CSMD3: variants seen among roughly 807,000 people sequenced by gnomAD.
CSMD3 encodes the protein CUB and Sushi multiple domains 3, also known as CUB and sushi domain-containing protein 3.
In CSMD3, 177 loss-of-function variants were observed where a neutral mutation model predicts 435.2. The observed-to-expected ratio is 0.41, with a 90% CI of 0.36 to 0.46. CSMD3 has a LOEUF of 0.46. CSMD3 is among the 20% of genes least tolerant of loss of function. The probability of loss-of-function intolerance (pLI) is 0.34; values close to 1 mark genes in which losing one functional copy is unlikely to be tolerated. For synonymous variants in CSMD3, 1,656 were observed against 1,520.5 expected, an observed-to-expected ratio of 1.09 and a Z score of -2.07; for missense variants, 4,265 against 4,504.6, an observed-to-expected ratio of 0.95 and a Z score of 1.52.
intron 55 of CSMD3, 39 bp from the exon 56 acceptor site, chr8:112,291,734 AAT>A: frequency 7.8e-7 from 1 of 1,276,454 alleles, no homozygotes; most frequent in Non-Finnish European, 1.1e-6. Context: ...TGTTTGGAAT[AAT>A]ATACATATAC....
intron 13 of CSMD3, among the ~76,000 whole-genome samples, chr8:112,781,809 A>G (rs2132246697): frequency 6.6e-6 from 1 of 152,272 alleles, no homozygotes; most frequent in South Asian, 2.1e-4. Flanking sequence ...AGTCTCCTGA[A>G]TCTTACCTAA....
At chr8:112,386,642 C>A (rs1017402114) in intron 36 of CSMD3, among the ~76,000 whole-genome samples, 3 of 152,006 alleles carry the variant, frequency 2.0e-5, no homozygotes, top group East Asian at 1.9e-4. Flanking sequence ...GGACTACAGG[C>A]GCCCGCCACC....
chr8:112,839,071 G>C (rs904922198), intron 11 of CSMD3, among the ~76,000 whole-genome samples: 2 of 151,406 alleles, frequency 1.3e-5, no homozygotes, highest in African/African-American at 4.9e-5. Context: ...CAAGACTCTA[G>C]GCTAGACCAT....
intron 24 of CSMD3, among the ~76,000 whole-genome samples, chr8:112,564,339 C>CTTCTCCCCTCCT (rs1828898667): frequency 1.3e-5 from 2 of 150,066 alleles, no homozygotes; most frequent in African/African-American, 2.5e-5. Flanking sequence ...TCTCCCCTCC[C>CTTCTCCCCTCCT]TTCTCCCCTC....
chr8:112,230,896 C>G (rs1813024018), intron 69 of CSMD3, among the ~76,000 whole-genome samples: 1 of 152,070 alleles, frequency 6.6e-6, no homozygotes, highest in African/African-American at 2.4e-5. Context: ...CTTTGTGTAT[C>G]CCTGTCACAG....
At chr8:113,403,370 C>T (rs534414373) in intron 1 of CSMD3, among the ~76,000 whole-genome samples, 4 of 151,176 alleles carry the variant, frequency 2.6e-5, no homozygotes, top group African/African-American at 9.7e-5. Context: ...CCTGTGGTAC[C>T]ATTTTATGAG....
intron 10 of CSMD3, among the ~76,000 whole-genome samples, chr8:112,915,272 G>A (rs1274020287): frequency 1.3e-5 from 2 of 151,648 alleles, no homozygotes; most frequent in East Asian, 3.9e-4. Flanking sequence ...TAGCGAAAGC[G>A]TTCATTACTA....
At chr8:112,892,101 TG>T (rs1277385202) in intron 10 of CSMD3, among the ~76,000 whole-genome samples, 6 of 151,634 alleles carry the variant, frequency 4.0e-5, no homozygotes, top group Non-Finnish European at 8.9e-5. Flanking sequence ...TCCATGTATT[TG>T]TTTATATTTT....
At chr8:113,294,975 A>C (rs2093709643) in intron 2 of CSMD3, among the ~76,000 whole-genome samples, 1 of 152,140 alleles carries the variant, frequency 6.6e-6, no homozygotes, top group Non-Finnish European at 1.5e-5. Flanking sequence ...TCCACAAAAC[A>C]CTGTAAAAAT....
At position 112,295,330 on chromosome 8, in the gene CSMD3, G is replaced by T. The variant is rs545559344; in HGVS notation, c.8614+503C>A. ...CAGAGGACCTGAAATGAGAGCAAAG[G>T]TTCTTCATGTCATGCCTAATGATAA... On this transcript the variant is annotated intron_variant, in intron 54 of 70. Transcript: ENST00000297405. Among the ~76,000 whole-genome samples the T allele has an allele frequency of 1.8e-3, 267 of 152,076 alleles. 1 individual carries two copies. The highest frequency in any genetic ancestry group is 6.2e-3 in the African/African-American group (259 of 41,476).
At chr8:113,003,187 G>A (rs2085930193) in intron 6 of CSMD3, among the ~76,000 whole-genome samples, 1 of 152,116 alleles carries the variant, frequency 6.6e-6, no homozygotes, top group East Asian at 1.9e-4. Context: ...GGAGGTTGCA[G>A]TGAGCCAAGA....
intron 25 of CSMD3, among the ~76,000 whole-genome samples, chr8:112,556,211 T>C (rs925609720): frequency 1.3e-4 from 20 of 151,536 alleles, no homozygotes; most frequent in African/African-American, 4.4e-4. Context: ...TACAAGATGG[T>C]AGGAATAAAA....
intron 8 of CSMD3, 85 bp from the exon 9 acceptor site, chr8:112,947,962 A>G (rs1036490454): frequency 3.0e-6 from 2 of 677,604 alleles, no homozygotes; most frequent in Admixed American, 4.1e-5. Flanking sequence ...TATACATAAA[A>G]TGTATTATTG....
chr8:112,410,545 AAG>A (rs1832252057), intron 32 of CSMD3, among the ~76,000 whole-genome samples: 1 of 139,448 alleles, frequency 7.2e-6, no homozygotes, highest in Admixed American at 7.5e-5. Flanking sequence ...AATGGAAAGA[AAG>A]AGTTAAAGGA....
chr8:113,189,091 C>G (rs942866963), intron 3 of CSMD3, among the ~76,000 whole-genome samples: 4 of 151,710 alleles, frequency 2.6e-5, no homozygotes, highest in African/African-American at 7.3e-5. Context: ...AAAGGTTTCC[C>G]AACGAAGCAG....
chr8:112,369,616 A>G (rs1172535505), intron 38 of CSMD3, among the ~76,000 whole-genome samples: 4 of 152,146 alleles, frequency 2.6e-5, no homozygotes, highest in Non-Finnish European at 5.9e-5. Flanking sequence ...ACAGGAACAG[A>G]CAACAAAACC....
intron 13 of CSMD3, among the ~76,000 whole-genome samples, chr8:112,755,463 G>A (rs2077676543): frequency 6.6e-6 from 1 of 151,402 alleles, no homozygotes; most frequent in South Asian, 2.1e-4. Context: ...ACTTCGTTCT[G>A]CACTTCTCCT....
intron 50 of CSMD3, among the ~76,000 whole-genome samples, chr8:112,308,688 A>G (rs1001488680): frequency 8.5e-5 from 13 of 152,056 alleles, no homozygotes; most frequent in Non-Finnish European, 1.8e-4. Context: ...GGATTGTTCA[A>G]TTTTTGAGGG....
At chr8:112,341,186 C>A (rs117600869) in intron 42 of CSMD3, among the ~76,000 whole-genome samples, 251 of 151,994 alleles carry the variant, frequency 1.7e-3, no homozygotes, top group Non-Finnish European at 2.8e-3. Context: ...GTGCAGCTGG[C>A]CTTGCTTATT....
Sources: gnomAD v4.1 joint callset for allele counts (sites outside exome capture counted in the v4.1 genomes callset) on GRCh38, gnomAD v4.1.1 for gene constraint, MANE v1.5 for transcripts, NCBI Gene and HGNC (gene_info 2026-07-23, HGNC 2026-07-21) for gene names.